The following SLC25A12 variants were observed in gnomAD, a reference collection of about 807,000 sequenced individuals.
SLC25A12 encodes the protein solute carrier family 25 member 12, also known as electrogenic aspartate/glutamate antiporter SLC25A12, mitochondrial.
Under a neutral mutation model 83.3 loss-of-function variants are expected in SLC25A12, and 32 were observed. The ratio of observed to expected loss-of-function variants is 0.38; its 90% CI spans 0.29 to 0.52. The LOEUF (loss-of-function observed/expected upper bound fraction) is 0.52, where lower values mean the gene tolerates loss of function less well. SLC25A12 is among the 20% of genes least tolerant of loss of function. The pLI, the probability that SLC25A12 is intolerant of heterozygous loss-of-function variation, is 0.84. For synonymous variants in SLC25A12, 267 were observed against 291.1 expected, an observed-to-expected ratio of 0.92 and a Z score of 0.84; for missense variants, 611 against 835.6, an observed-to-expected ratio of 0.73 and a Z score of 3.31.
chr2:171,866,514 C>A (rs1685312708), intron 3 of SLC25A12, among the ~76,000 whole-genome samples: 1 of 145,454 alleles, frequency 6.9e-6, no homozygotes, highest in Non-Finnish European at 1.5e-5. Flanking sequence ...AGAGGGGCTC[C>A]TCACTTCCCA....
chr2:171,858,850 T>C (rs1438221569), intron 3 of SLC25A12, among the ~76,000 whole-genome samples: 1 of 152,208 alleles, frequency 6.6e-6, no homozygotes, highest in Non-Finnish European at 1.5e-5. Flanking sequence ...TTTGAGACTC[T>C]TGTCACATAG....
At chr2:171,854,252 T>C (rs1404243338) in intron 4 of SLC25A12, among the ~76,000 whole-genome samples, 1 of 152,072 alleles carries the variant, frequency 6.6e-6, no homozygotes, top group Admixed American at 6.6e-5. Context: ...GATGCCAAGA[T>C]TTATATGCAA....
At chr2:171,885,014 C>T (rs1392449936) in intron 2 of SLC25A12, among the ~76,000 whole-genome samples, 2 of 151,956 alleles carry the variant, frequency 1.3e-5, no homozygotes, top group African/African-American at 4.8e-5. Flanking sequence ...GAGACTGAGA[C>T]CATCCTGGCT....
chr2:171,829,245 C>A (rs1684380210), intron 8 of SLC25A12, among the ~76,000 whole-genome samples: 1 of 152,146 alleles, frequency 6.6e-6, no homozygotes, highest in Admixed American at 6.5e-5. Flanking sequence ...ACAACACCAT[C>A]CTGCAATTAG....
intron 3 of SLC25A12, 147 bp from the exon 4 acceptor site, chr2:171,856,096 GAAGGA>G (rs1685039706): frequency 1.5e-6 from 1 of 645,864 alleles, no homozygotes; most frequent in Non-Finnish European, 2.8e-6. Context: ...TTCAGATAAG[GAAGGA>G]AAGGAGAATT....
intron 7 of SLC25A12, 150 bp downstream of exon 7, chr2:171,834,577 G>C (rs1264485168): frequency 1.7e-5 from 15 of 905,318 alleles, no homozygotes; most frequent in Admixed American, 6.6e-5. Flanking sequence ...AATCCACCTG[G>C]ATTTTTGGAG....
rs78046782 is a variant in SLC25A12, at chr2:171,830,882, T to C, written c.845+3081A>G. ...TTAAGATTCAGTAATATTAATAAAA[T>C]GTGAGATATATAGGGTTAGAATCCA... On this transcript the variant is annotated intron_variant, in intron 8 of 17. Coordinates refer to ENST00000422440, the MANE Select transcript of SLC25A12 (RefSeq NM_003705.5). Among the ~76,000 whole-genome samples, 5 of 152,308 alleles carry C rather than the reference T, an allele frequency of 3.3e-5. No individual in the cohort carries two copies. The East Asian group carries it at 7.7e-4, about 24-fold the overall frequency.
intron 5 of SLC25A12, among the ~76,000 whole-genome samples, chr2:171,840,768 A>C (rs1411233143): frequency 1.3e-5 from 2 of 152,186 alleles, no homozygotes; most frequent in Non-Finnish European, 2.9e-5. Context: ...GAAGGACGTA[A>C]GTTTCCAGAT....
chr2:171,836,654 G>C (rs1197468539), intron 6 of SLC25A12, among the ~76,000 whole-genome samples: 1 of 152,142 alleles, frequency 6.6e-6, no homozygotes, highest in African/African-American at 2.4e-5. Context: ...CACCCTGAAG[G>C]CAACAAAGGA....
chr2:171,875,715 C>T (rs1685550368), intron 2 of SLC25A12, among the ~76,000 whole-genome samples: 1 of 151,836 alleles, frequency 6.6e-6, no homozygotes, highest in African/African-American at 2.4e-5. Flanking sequence ...AGATCGAGAC[C>T]ATCCTGGCTA....
intron 2 of SLC25A12, among the ~76,000 whole-genome samples, chr2:171,883,860 G>T (rs1032755282): frequency 6.6e-6 from 1 of 151,712 alleles, no homozygotes; most frequent in South Asian, 2.1e-4. Flanking sequence ...TGTTTGTTTT[G>T]TTTTTTGTTT....
At chr2:171,882,519 A>G (rs1426691686) in intron 2 of SLC25A12, among the ~76,000 whole-genome samples, 2 of 152,256 alleles carry the variant, frequency 1.3e-5, no homozygotes, top group South Asian at 2.1e-4. Context: ...CTAGCACAAC[A>G]GAAACCAAAA....
chr2:171,837,317 G>C, intron 5 of SLC25A12, 50 bp from the exon 6 acceptor site: 1 of 1,595,714 alleles, frequency 6.3e-7, no homozygotes, highest in Non-Finnish European at 8.6e-7. Flanking sequence ...CACATTCCAA[G>C]TACATGGTTT....
rs1440419097 is a variant in SLC25A12 at position 171,783,910 on chromosome 2, T to G, written c.*1364A>C. Reference sequence around the variant, plus strand: ...GCACTGTGCAGGATACTAAGTAACTTGGTCTGTCTCCAGGCTCGCCTCTTG... The same window carrying G: ...GCACTGTGCAGGATACTAAGTAACTGGGTCTGTCTCCAGGCTCGCCTCTTG... On this transcript the variant is annotated 3_prime_UTR_variant, in exon 18 of 18. Transcript: ENST00000422440. Among the ~76,000 whole-genome samples, 1 of 152,200 alleles carries G rather than the reference T, an allele frequency of 6.6e-6. No homozygotes were observed. Among genetic ancestry groups the G allele is most frequent in the African/African-American group, 2.4e-5 (1 of 41,444 alleles).
chr2:171,806,239 C>T (rs558345668), intron 13 of SLC25A12, among the ~76,000 whole-genome samples: 1 of 152,302 alleles, frequency 6.6e-6, no homozygotes, highest in Admixed American at 6.5e-5. Flanking sequence ...GCCGGTGGAT[C>T]ACCTGAGGTC....
intron 2 of SLC25A12, among the ~76,000 whole-genome samples, chr2:171,872,856 AC>A (rs1553476639): frequency 7.2e-5 from 11 of 151,888 alleles, no homozygotes; most frequent in Admixed American, 4.6e-4. Flanking sequence ...AACAAAAAAT[AC>A]CCCCCCTTTT....
At chr2:171,818,918 A>T (rs1684113519) in intron 9 of SLC25A12, among the ~76,000 whole-genome samples, 1 of 151,690 alleles carries the variant, frequency 6.6e-6, no homozygotes, top group Non-Finnish European at 1.5e-5. Context: ...TAAAAACAAA[A>T]ATGTATGACT....
chr2:171,893,329 G>A (rs148928615), intron 1 of SLC25A12, 71 bp from the exon 2 acceptor site: 15 of 1,270,844 alleles, frequency 1.2e-5, no homozygotes, highest in Non-Finnish European at 1.7e-5. Context: ...CAGATTAGAG[G>A]TCACATGGCT....
intron 8 of SLC25A12, among the ~76,000 whole-genome samples, chr2:171,830,104 A>T (rs1322373930): frequency 1.3e-5 from 2 of 152,216 alleles, no homozygotes; most frequent in African/African-American, 4.8e-5. Context: ...TTCTCTCCTG[A>T]AGGCAGTGTT....
Sources: allele counts gnomAD v4.1 joint callset (sites outside exome capture counted in the v4.1 genomes callset), GRCh38; gene constraint gnomAD v4.1.1; transcripts MANE v1.5; gene names NCBI Gene and HGNC (gene_info 2026-07-23, HGNC 2026-07-21).